ANO3: variants seen among roughly 807,000 people sequenced by gnomAD.
ANO3 encodes anoctamin 3.
In ANO3, 99 loss-of-function variants were observed where a neutral mutation model predicts 144.8. The observed-to-expected ratio is 0.68, with a 90% CI of 0.58 to 0.81. ANO3 has a LOEUF of 0.81. Among genes scored for constraint, ANO3 ranks in the 30% least tolerant of loss-of-function variants. The pLI is 0.00. For missense variants in ANO3, 905 were observed against 1,202.2 expected, an observed-to-expected ratio of 0.75 and a Z score of 3.66; for synonymous variants, 414 against 392.6, an observed-to-expected ratio of 1.05 and a Z score of -0.64.
intron 1 of ANO3, among the ~76,000 whole-genome samples, chr11:26,416,494 T>G (rs1857590097): frequency 6.6e-6 from 1 of 151,848 alleles, no homozygotes; most frequent in Admixed American, 6.6e-5. Flanking sequence ...TGGCAAGATC[T>G]TGGCTCACTG....
chr11:26,459,737 TAA>T (rs1859312457), intron 3 of ANO3, among the ~76,000 whole-genome samples: 1 of 152,030 alleles, frequency 6.6e-6, no homozygotes, highest in Admixed American at 6.6e-5. Flanking sequence ...TGAAATGTAC[TAA>T]AGAGTTAATG....
chr11:26,638,545 G>A (rs796734646), intron 20 of ANO3, among the ~76,000 whole-genome samples: 2 of 152,190 alleles, frequency 1.3e-5, no homozygotes, highest in Non-Finnish European at 2.9e-5. Flanking sequence ...AGGGTATGTG[G>A]GGTTGGATCC....
At chr11:26,545,255 A>G (rs1003384482) in intron 11 of ANO3, among the ~76,000 whole-genome samples, 2 of 152,020 alleles carry the variant, frequency 1.3e-5, no homozygotes, top group African/African-American at 4.8e-5. Context: ...CTCTTTGGTT[A>G]TGGATAATGG....
intron 4 of ANO3, among the ~76,000 whole-genome samples, chr11:26,499,438 A>C (rs1215954023): frequency 6.6e-6 from 1 of 151,588 alleles, no homozygotes; most frequent in Non-Finnish European, 1.5e-5. Context: ...TACTTTTCTC[A>C]CTTAAATCTT....
intron 14 of ANO3, among the ~76,000 whole-genome samples, chr11:26,588,542 T>C (rs1165641776): frequency 6.6e-6 from 1 of 152,226 alleles, no homozygotes; most frequent in African/African-American, 2.4e-5. Context: ...AAGCTAAAAT[T>C]GCACCAAATT....
chr11:26,565,394 A>G (rs1850529725), intron 14 of ANO3: 1 of 1,613,294 alleles, frequency 6.2e-7, no homozygotes, highest in Non-Finnish European at 8.5e-7. Flanking sequence ...TCACGGTGTC[A>G]TTGACCAAAG....
chr11:26,260,807 T>C (rs1401188412), intron 1 of ANO3, among the ~76,000 whole-genome samples: 3 of 152,082 alleles, frequency 2.0e-5, no homozygotes, highest in African/African-American at 7.2e-5. Flanking sequence ...GCATAGAACG[T>C]ACAGATTTTC....
chr11:26,411,240 G>C (rs1183941098), intron 1 of ANO3, among the ~76,000 whole-genome samples: 1 of 151,966 alleles, frequency 6.6e-6, no homozygotes, highest in Non-Finnish European at 1.5e-5. Flanking sequence ...TGTGGCTCTT[G>C]ACTGTATGTA....
At chr11:26,317,641 C>G (rs569689030) in intron 1 of ANO3, among the ~76,000 whole-genome samples, 2 of 152,116 alleles carry the variant, frequency 1.3e-5, no homozygotes, top group Non-Finnish European at 2.9e-5. Flanking sequence ...GAAATAGGAA[C>G]GCTTTTACAC....
chr11:26,433,152 G>A (rs915289895), intron 1 of ANO3, among the ~76,000 whole-genome samples: 6 of 151,888 alleles, frequency 4.0e-5, no homozygotes, highest in African/African-American at 1.4e-4. Flanking sequence ...TTTTTGTGTG[G>A]CAATTGTGAA....
intron 1 of ANO3, among the ~76,000 whole-genome samples, chr11:26,371,021 A>C (rs1856238341): frequency 6.6e-6 from 1 of 152,216 alleles, no homozygotes; most frequent in Non-Finnish European, 1.5e-5. Context: ...GTGAATCACC[A>C]AGACAATGGG....
intron 1 of ANO3, among the ~76,000 whole-genome samples, chr11:26,412,961 G>T (rs1857472737): frequency 6.6e-6 from 1 of 151,840 alleles, no homozygotes; most frequent in South Asian, 2.1e-4. Flanking sequence ...TGTAGCCAGG[G>T]AAATCTCCAT....
intron 9 of ANO3, among the ~76,000 whole-genome samples, chr11:26,535,262 T>G (rs892864716): frequency 1.3e-5 from 2 of 152,226 alleles, no homozygotes; most frequent in Non-Finnish European, 2.9e-5. Flanking sequence ...TAAATTTCTT[T>G]GTTGTTTAAA....
chr11:26,565,545 G>C (rs1850537275), intron 14 of ANO3: 1 of 1,613,374 alleles, frequency 6.2e-7, no homozygotes. Context: ...TGTGGAAATG[G>C]TAGATGTGGG....
intron 17 of ANO3, among the ~76,000 whole-genome samples, chr11:26,616,494 C>A (rs1238297020): frequency 1.4e-5 from 2 of 142,014 alleles, no homozygotes; most frequent in African/African-American, 5.3e-5. Context: ...TCAAAAACAT[C>A]TTGAAAAGAT....
chr11:26,196,428 G>A (rs562095072), intron 1 of ANO3, among the ~76,000 whole-genome samples: 1 of 151,980 alleles, frequency 6.6e-6, no homozygotes, highest in Non-Finnish European at 1.5e-5. Flanking sequence ...ACTCTAGCTA[G>A]TGAAATTTCA....
At position 26,563,393 on chromosome 11, in the gene ANO3, C is replaced by CTG. The variant is rs764671965; in HGVS notation, c.1447+3615_1447+3616insGT. ...AAATTAGATAATGGTGTGTTTCTCT[C>CTG]TCTGTGTGTGTGTGTGTGTGTGTGT... On this transcript the variant is annotated intron_variant, in intron 14 of 26. Transcript: ENST00000256737. 1,568 of 825,328 alleles carry CTG rather than the reference C, an allele frequency of 1.9e-3. 31 individuals are homozygous for CTG. The highest frequency in any genetic ancestry group is 0.01 in the African/African-American group (385 of 38,096). The allele number at this position is 825,328 out of a possible 1,614,324, so 51.1% of individuals were successfully genotyped here.
At chr11:26,369,881 C>G (rs1339817532) in intron 1 of ANO3, among the ~76,000 whole-genome samples, 1 of 152,004 alleles carries the variant, frequency 6.6e-6, no homozygotes, top group African/African-American at 2.4e-5. Context: ...AATTTGTTAC[C>G]ATCAGTGGTT....
intron 14 of ANO3, among the ~76,000 whole-genome samples, chr11:26,586,992 A>G (rs1323864713): frequency 6.6e-6 from 1 of 152,098 alleles, no homozygotes; most frequent in Non-Finnish European, 1.5e-5. Context: ...TGAAATTCCC[A>G]TGTCCATTAC....
Sources: gnomAD v4.1 joint callset for allele counts (sites outside exome capture counted in the v4.1 genomes callset) on GRCh38, gnomAD v4.1.1 for gene constraint, MANE v1.5 for transcripts, NCBI Gene and HGNC (gene_info 2026-07-23, HGNC 2026-07-21) for gene names.